FAM171B: variants seen among roughly 807,000 people sequenced by gnomAD.
The protein encoded by FAM171B is protein FAM171B.
FAM171B carries 19 observed loss-of-function variants against 75.6 expected under a neutral mutation model. The ratio of observed to expected loss-of-function variants is 0.25; its 90% CI spans 0.18 to 0.37. FAM171B has a LOEUF of 0.37. FAM171B is among the 10% of genes least tolerant of loss of function. The pLI is 1.00. For missense variants in FAM171B, 848 were observed against 982.4 expected (o/e 0.86, Z 1.83); for synonymous variants, 367 against 361.7 (o/e 1.01, Z -0.17).
At position 186,761,142 on chromosome 2, in the gene FAM171B, A is replaced by G. The variant is rs1424561200; in HGVS notation, c.1042A>G (p.Ile348Val). 2.5e-6 allele frequency: 4 copies of G among 1,611,604 alleles called. No individual in the cohort carries two copies. Among genetic ancestry groups the G allele is most frequent in the Non-Finnish European group, 1.7e-6 (2 of 1,178,878 alleles). ...AGGTATAAATGAAGATTCCAAGGAC[A>G]TAACTGCCTACCACACAGTGTTTCT... ...GSGINEDSKD[I>V]TAYHTVFLTA... Residue 348 changes from isoleucine to valine, a missense_variant, in exon 7 of 8, where the codon ATA becomes GTA. By Grantham distance (29) the Ile-to-Val change is conservative. This residue lies in a region of FAM171B where 665 missense variants were observed against 729.0 expected (regional missense o/e 0.91). Coordinates refer to ENST00000304698, the MANE Select transcript of FAM171B (RefSeq NM_177454.4).
chr2:186,762,221 T>C lies in FAM171B; in HGVS notation c.1879T>C (p.Leu627=). The C allele has an allele frequency of 6.2e-7, 1 of 1,613,732 alleles. No homozygotes were observed. The highest frequency in any genetic ancestry group is 8.5e-7 in the Non-Finnish European group (1 of 1,179,794). The part of the protein sequence containing the change: ...ASDWSRYSSS[L]LESVSVPGTL... ...AGATTGGAGCCGATACTCAAGCAGC[T>C]TACTGGAATCCGTCTCTGTTCCTGG... The change falls in exon 8 of 8, where the codon TTA becomes CTA. Residue 627 remains leucine, a synonymous_variant. Coordinates refer to ENST00000304698, the MANE Select transcript of FAM171B (RefSeq NM_177454.4). This position sits in a 1 kb window ranked among gnomAD's most constrained non-coding sequence, Gnocchi z 4.0.
At chr2:186,746,312 A>G (rs571681390) in intron 3 of FAM171B, among the ~76,000 whole-genome samples, 21 of 152,352 alleles carry the variant, frequency 1.4e-4, no homozygotes, top group African/African-American at 4.8e-4. Context: ...CTTTTAATGC[A>G]TGGTTAGTTA....
intron 2 of FAM171B, among the ~76,000 whole-genome samples, chr2:186,742,928 TACTACTAAAG>T (rs533855731): frequency 1.3e-4 from 20 of 152,198 alleles, no homozygotes; most frequent in Non-Finnish European, 2.8e-4. Context: ...CATCCTGCAT[TACTACTAAAG>T]GTTGCCTTTG....
At chr2:186,737,538 G>T (rs949233006) in intron 1 of FAM171B, among the ~76,000 whole-genome samples, 3 of 152,146 alleles carry the variant, frequency 2.0e-5, no homozygotes, top group South Asian at 2.1e-4. Flanking sequence ...TAGAGACAGG[G>T]TCTATGTTGC....
chr2:186,727,079 C>A (rs1357536653), intron 1 of FAM171B, among the ~76,000 whole-genome samples: 1 of 152,106 alleles, frequency 6.6e-6, no homozygotes. Flanking sequence ...CCCCCCACCC[C>A]CTTCATTTAG....
At chr2:186,744,531 T>C (rs1181630351) in intron 3 of FAM171B, among the ~76,000 whole-genome samples, 1 of 152,138 alleles carries the variant, frequency 6.6e-6, no homozygotes, top group Non-Finnish European at 1.5e-5. Flanking sequence ...ATTTGCCAGA[T>C]TTTTTTTATC....
At chr2:186,717,783 T>G (rs938114825) in intron 1 of FAM171B, among the ~76,000 whole-genome samples, 1 of 152,140 alleles carries the variant, frequency 6.6e-6, no homozygotes. Flanking sequence ...GTCTGGGCTT[T>G]GTGTCTTGCT....
At chr2:186,725,212 C>CG (rs1364229735) in intron 1 of FAM171B, among the ~76,000 whole-genome samples, 4 of 151,902 alleles carry the variant, frequency 2.6e-5, no homozygotes, top group Non-Finnish European at 5.9e-5. Flanking sequence ...GGCGTGGTGG[C>CG]AGGCACCTGT....
rs747515747 is a variant in FAM171B, at chr2:186,761,741, G to A, written c.1399G>A (p.Val467Ile). Residue 467 changes from valine (V) to isoleucine (I), a missense_variant, in exon 8 of 8, where the codon GTT becomes ATT. Physicochemically the swap from Val to Ile is conservative, Grantham distance 29 (BLOSUM62 3). Coordinates refer to ENST00000304698, the MANE Select transcript of FAM171B (RefSeq NM_177454.4). ...CGATTTTAAAATCTACAATGAAGAT[G>A]TTTCATTTCTATCAGTCAATCAAAA... ...RDDFKIYNED[V>I]SFLSVNQNNY... 1.1e-5 allele frequency: 18 copies of A among 1,613,322 alleles called. No individual in the cohort carries two copies. The Admixed American group carries it at 2.8e-4, about 25-fold the overall frequency.
chr2:186,743,197 G>T (rs1042232877), intron 2 of FAM171B, among the ~76,000 whole-genome samples: 5 of 152,112 alleles, frequency 3.3e-5, no homozygotes, highest in African/African-American at 1.2e-4. Flanking sequence ...TATATCTGGG[G>T]TTACAGAACA....
In FAM171B at chr2:186,744,830, A is replaced by ATTT. The variant is rs71017339; in HGVS notation, c.565+1271_565+1273dup. ...GCATGAGCCACCGTGCCTGACCAGC[A>ATTT]TTTTTTTTTTTTTTTTTTGAGACAG... On this transcript the variant is annotated intron_variant, in intron 3 of 7. Coordinates refer to ENST00000304698, the MANE Select transcript of FAM171B (RefSeq NM_177454.4). 4.0e-4 allele frequency among the ~76,000 whole-genome samples: 51 copies of ATTT among 127,642 alleles called. 1 individual carries two copies. The highest frequency in any genetic ancestry group is 1.2e-3 in the African/African-American group (41 of 33,602). The allele number at this position is 127,642 out of a possible 152,430, so 83.7% of individuals were successfully genotyped here.
intron 3 of FAM171B, among the ~76,000 whole-genome samples, chr2:186,744,955 C>T (rs963384827): frequency 6.6e-6 from 1 of 151,944 alleles, no homozygotes; most frequent in African/African-American, 2.4e-5. Context: ...CTCAGCCTCC[C>T]AAGTAGCTGA....
Position 186,740,453 on chromosome 2 carries a change from G to A in FAM171B, c.464G>A (p.Arg155Lys). The change falls in exon 2 of 8, where the codon AGA becomes AAA. Residue 155 changes from arginine (R) to lysine (K), a missense_variant. Arg to Lys is a conservative substitution (Grantham distance 26, BLOSUM62 2). Coordinates refer to ENST00000304698, the MANE Select transcript of FAM171B (RefSeq NM_177454.4). Reference protein sequence around the residue: ...VLTPLPWKTRRMPIYSSVTLS... With the variant: ...VLTPLPWKTRKMPIYSSVTLS... The stretch of plus-strand genomic sequence containing the variant: ...ACCCCTCTGCCTTGGAAAACCAGAA[G>A]AATGCCAAGTAAGCACTTAAACAGT... 6.2e-7 allele frequency: 1 copy of A among 1,608,340 alleles called. No individual in the cohort carries two copies. The highest frequency in any genetic ancestry group is 8.5e-7 in the Non-Finnish European group (1 of 1,176,418).
intron 5 of FAM171B, among the ~76,000 whole-genome samples, chr2:186,753,366 T>C (rs1350412339): frequency 6.6e-6 from 1 of 152,198 alleles, no homozygotes; most frequent in Non-Finnish European, 1.5e-5. Context: ...GACAACTTTT[T>C]TGGAATGACA....
At chr2:186,734,336 C>T (rs1342966064) in intron 1 of FAM171B, among the ~76,000 whole-genome samples, 1 of 152,064 alleles carries the variant, frequency 6.6e-6, no homozygotes, top group East Asian at 1.9e-4. Flanking sequence ...CTCTTATCCA[C>T]AGGCAGGTCA....
chr2:186,740,157 T>G, intron 1 of FAM171B, 71 bp from the exon 2 acceptor site: 6 of 1,050,338 alleles, frequency 5.7e-6, no homozygotes, highest in Non-Finnish European at 8.6e-6. Context: ...ATATGTTGAA[T>G]GACATTTAAA....
chr2:186,725,072 C>T (rs2460766), intron 1 of FAM171B, among the ~76,000 whole-genome samples: 65,808 of 151,994 alleles, frequency 0.43, 14,495 homozygotes, highest in East Asian at 0.64. Context: ...AGGCCAGGCG[C>T]GATGGCTCAC....
In FAM171B at chr2:186,763,776, G is replaced by A. The variant is rs1218631991; in HGVS notation, c.*953G>A. ...TCTTTTGAACACTAAAATAAAATATGTGCAGATAAAATATACATTGATTTG... is the reference window on the plus strand; with the variant it reads ...TCTTTTGAACACTAAAATAAAATATATGCAGATAAAATATACATTGATTTG... On this transcript the variant is annotated 3_prime_UTR_variant, in exon 8 of 8. Transcript: ENST00000304698. 4.6e-5 allele frequency: 7 copies of A among 151,968 alleles called. No individual in the cohort carries two copies. The highest frequency in any genetic ancestry group is 4.6e-4 in the Admixed American group (7 of 15,238). 9.4% of individuals were successfully genotyped at this position (151,968 alleles called of 1,614,324 possible).
chr2:186,740,079 AT>A (rs1228947049), intron 1 of FAM171B, 148 bp from the exon 2 acceptor site: 1 of 574,326 alleles, frequency 1.7e-6, no homozygotes, highest in Non-Finnish European at 3.0e-6. Flanking sequence ...AGAATAATGA[AT>A]TCTTCATTAT....
Sources: allele counts gnomAD v4.1 joint callset (sites outside exome capture counted in the v4.1 genomes callset), GRCh38; gene constraint gnomAD v4.1.1; regional missense constraint gnomAD v4.1.1; non-coding constraint Gnocchi (gnomAD v3.1); transcripts MANE v1.5; gene names NCBI Gene and HGNC (gene_info 2026-07-23, HGNC 2026-07-21).